The following CDK8 variants were observed in gnomAD, a reference collection of about 807,000 sequenced individuals.
CDK8 encodes cyclin dependent kinase 8.
In CDK8, 29 loss-of-function variants were observed where a neutral mutation model predicts 71.5. The ratio of observed to expected loss-of-function variants is 0.41; its 90% CI spans 0.30 to 0.55. The LOEUF (loss-of-function observed/expected upper bound fraction) is 0.55. CDK8 is among the 20% of genes least tolerant of loss of function. The pLI is 0.37. For missense variants in CDK8, 288 were observed against 572.6 expected, an observed-to-expected ratio of 0.50 and a Z score of 5.07; for synonymous variants, 161 against 192.1, an observed-to-expected ratio of 0.84 and a Z score of 1.34.
intron 1 of CDK8, among the ~76,000 whole-genome samples, chr13:26,255,552 T>G (rs746475708): frequency 3.3e-5 from 5 of 152,240 alleles, no homozygotes; most frequent in Admixed American, 6.5e-5. Flanking sequence ...TTTAGTTTCT[T>G]AACAGGCAAG....
intron 4 of CDK8, among the ~76,000 whole-genome samples, chr13:26,377,691 T>C (rs1401120184): frequency 6.6e-6 from 1 of 152,184 alleles, no homozygotes; most frequent in Non-Finnish European, 1.5e-5. Flanking sequence ...AAAAACTGTA[T>C]TATAAAGATT....
chr13:26,328,496 C>T (rs1002382936), intron 1 of CDK8, among the ~76,000 whole-genome samples: 31 of 152,266 alleles, frequency 2.0e-4, no homozygotes, highest in African/African-American at 7.2e-4. Flanking sequence ...AGCTTAAACC[C>T]TAAACCACAT....
chr13:26,387,720 G>C (rs1875547023), intron 6 of CDK8, among the ~76,000 whole-genome samples: 1 of 152,310 alleles, frequency 6.6e-6, no homozygotes, highest in African/African-American at 2.4e-5. Flanking sequence ...TCTCTGAACT[G>C]TCTTGTCTGC....
At chr13:26,400,634 C>A in intron 10 of CDK8, 84 bp downstream of exon 10, 4 of 826,634 alleles carry the variant, frequency 4.8e-6, no homozygotes, top group Non-Finnish European at 4.2e-6. Context: ...TTAAGTTGCT[C>A]CTCCTCTTAT....
intron 1 of CDK8, among the ~76,000 whole-genome samples, chr13:26,258,859 A>G (rs912856032): frequency 1.3e-5 from 2 of 151,420 alleles, no homozygotes. Context: ...TCAACTGCCA[A>G]AAAGCTTGGT....
chr13:26,273,263 C>T (rs558403490), intron 1 of CDK8, among the ~76,000 whole-genome samples: 40 of 152,292 alleles, frequency 2.6e-4, no homozygotes, highest in African/African-American at 8.9e-4. Context: ...TAAGCTGGTA[C>T]TACACTGTCT....
chr13:26,276,202 G>T (rs929562831), intron 1 of CDK8, among the ~76,000 whole-genome samples: 5 of 152,126 alleles, frequency 3.3e-5, no homozygotes, highest in Non-Finnish European at 7.4e-5. Flanking sequence ...TACTGGCAGT[G>T]TTGGAGATAT....
intron 1 of CDK8, among the ~76,000 whole-genome samples, chr13:26,319,401 G>A (rs779978974): frequency 4.6e-5 from 7 of 151,626 alleles, no homozygotes; most frequent in African/African-American, 9.7e-5. Context: ...CTCGGGAGGC[G>A]GAGGTTGCAG....
At chr13:26,322,617 C>T (rs1291664659) in intron 1 of CDK8, among the ~76,000 whole-genome samples, 2 of 152,156 alleles carry the variant, frequency 1.3e-5, no homozygotes, top group East Asian at 3.9e-4. Context: ...TACTATTAGG[C>T]AGCCAAGGTG....
intron 1 of CDK8, among the ~76,000 whole-genome samples, chr13:26,281,637 G>GGGTACAAATC (rs1872752548): frequency 9.7e-6 from 1 of 102,952 alleles, no homozygotes; most frequent in African/African-American, 8.1e-5. Context: ...TCCAAATCAA[G>GGGTACAAATC]AAGAAGTCTC....
rs66521623 is a variant in CDK8, at chr13:26,339,754, A to ATATATAT, written c.204+2112_204+2113insTATATAT. ...TTTATTTATATAATTACTTAAAAAA[A>ATATATAT]AAATATATATATATATATAGTGTAG... On this transcript the variant is annotated intron_variant, in intron 2 of 12. Transcript: ENST00000381527. Among the ~76,000 whole-genome samples the ATATATAT allele has an allele frequency of 4.3e-3, 550 of 129,328 alleles. 3 individuals are homozygous for ATATATAT. The highest frequency in any genetic ancestry group is 0.023 in the Middle Eastern group (6 of 266). 84.8% of individuals were successfully genotyped at this position (129,328 alleles called of 152,430 possible).
At chr13:26,382,951 CT>C in intron 5 of CDK8, 80 bp downstream of exon 5, 1 of 807,016 alleles carries the variant, frequency 1.2e-6, no homozygotes, top group African/African-American at 1.7e-5. Flanking sequence ...CTAATTTTTG[CT>C]ATAATATGCA....
chr13:26,264,711 TCTC>T (rs1414630273), intron 1 of CDK8, among the ~76,000 whole-genome samples: 6 of 152,024 alleles, frequency 3.9e-5, no homozygotes, highest in Admixed American at 1.3e-4. Flanking sequence ...TTAACTCACT[TCTC>T]CTCCTCTCCT....
At chr13:26,353,575 T>C (rs1169495512) in intron 3 of CDK8, among the ~76,000 whole-genome samples, 165 bp from the exon 4 acceptor site, 1 of 152,186 alleles carries the variant, frequency 6.6e-6, no homozygotes, top group Non-Finnish European at 1.5e-5. Flanking sequence ...GCCCCAGTTA[T>C]TAGGGAATTT....
At chr13:26,296,023 C>A (rs1287205129) in intron 1 of CDK8, among the ~76,000 whole-genome samples, 1 of 151,948 alleles carries the variant, frequency 6.6e-6, no homozygotes, top group African/African-American at 2.4e-5. Context: ...CAGACGGATA[C>A]TAAAAAAAGG....
intron 1 of CDK8, among the ~76,000 whole-genome samples, chr13:26,300,179 G>A (rs1251446334): frequency 2.6e-5 from 4 of 152,062 alleles, no homozygotes; most frequent in Admixed American, 6.6e-5. Flanking sequence ...TAGGTAACGC[G>A]GTAGTCCCTC....
In CDK8 at chr13:26,402,518, G is replaced by A. The variant is rs186186946; in HGVS notation, c.1269+894G>A. ...GATGTTATTAAACTGATAAGGTCCC[G>A]AGTGCTCGTTACTGTACTTTCAGAA... On this transcript the variant is annotated intron_variant, in intron 12 of 12. Transcript: ENST00000381527. Among the ~76,000 whole-genome samples the A allele has an allele frequency of 5.4e-3, 815 of 152,260 alleles. 33 individuals are homozygous for A. The highest frequency in any genetic ancestry group is 0.051 in the Admixed American group (782 of 15,296).
At position 26,359,896 on chromosome 13, in the gene CDK8, A is replaced by T. The variant is rs189303585; in HGVS notation, c.456+6016A>T. 6.2e-4 allele frequency: 140 copies of T among 226,234 alleles called. 3 individuals carry two copies. In the East Asian group the frequency reaches 0.018, roughly 30 times the overall value. 14.0% of individuals were successfully genotyped at this position (226,234 alleles called of 1,614,324 possible). Reference sequence around the variant, plus strand: ...ACATCCGGCCAATTTTTGTATTTTTAGTAGAGACAGAGTTTTGCCATGTTG... The same window carrying T: ...ACATCCGGCCAATTTTTGTATTTTTTGTAGAGACAGAGTTTTGCCATGTTG... On this transcript the variant is annotated intron_variant, in intron 4 of 12. Coordinates refer to ENST00000381527, the MANE Select transcript of CDK8 (RefSeq NM_001260.3).
intron 1 of CDK8, among the ~76,000 whole-genome samples, chr13:26,284,684 A>C (rs1872915413): frequency 6.6e-6 from 1 of 152,182 alleles, no homozygotes; most frequent in African/African-American, 2.4e-5. Flanking sequence ...AGATTCTATC[A>C]GGCATTCAGA....
Sources: allele counts gnomAD v4.1 joint callset (sites outside exome capture counted in the v4.1 genomes callset), GRCh38; gene constraint gnomAD v4.1.1; transcripts MANE v1.5; gene names NCBI Gene and HGNC (gene_info 2026-07-23, HGNC 2026-07-21).